Variants in ADAMTS17 observed in about 807,000 individuals in gnomAD.
ADAMTS17 encodes the protein A disintegrin and metalloproteinase with thrombospondin motifs 17.
Under a neutral mutation model 141.5 loss-of-function variants are expected in ADAMTS17, and 113 were observed. The observed-to-expected ratio is 0.80, with a 90% confidence interval of 0.69 to 0.93. The LOEUF is 0.93. Ranked by LOEUF, ADAMTS17 falls within the 40% of genes least tolerant of loss-of-function variation. ADAMTS17 has a pLI of 0.00. For synonymous variants in ADAMTS17, 768 were observed against 630.6 expected (o/e 1.22, Z -3.27); for missense variants, 1,659 against 1,517.9 (o/e 1.09, Z -1.54).
intron 10 of ADAMTS17, among the ~76,000 whole-genome samples, chr15:100,138,701 T>A (rs1386510531): frequency 6.6e-6 from 1 of 151,946 alleles, no homozygotes; most frequent in East Asian, 1.9e-4. Flanking sequence ...ATAGAAAGAG[T>A]TGGGCAGAGA....
rs1000019016 is a variant in ADAMTS17, at chr15:100,047,475, G to A, written c.2591+1382C>T. 4.6e-5 allele frequency among the ~76,000 whole-genome samples: 7 copies of A among 151,736 alleles called. No individual in the cohort carries two copies. The East Asian group carries it at 9.7e-4, about 21-fold the overall frequency. ...CCTGCTGACATGTGATGTCTCCCCC[G>A]GATGCCCAGCTTTAAAATTTCTCTC... On this transcript the variant is annotated intron_variant, in intron 18 of 21. Coordinates refer to ENST00000268070, the MANE Select transcript of ADAMTS17 (RefSeq NM_139057.4).
intron 8 of ADAMTS17, among the ~76,000 whole-genome samples, chr15:100,178,306 AT>A (rs1375941081): frequency 6.6e-6 from 1 of 152,196 alleles, no homozygotes; most frequent in Non-Finnish European, 1.5e-5. Flanking sequence ...GATTTTAAAA[AT>A]ATCACTCTGT....
At chr15:100,214,686 T>C (rs964445494) in intron 7 of ADAMTS17, among the ~76,000 whole-genome samples, 5 of 152,234 alleles carry the variant, frequency 3.3e-5, no homozygotes, top group Non-Finnish European at 7.3e-5. Context: ...TTCCGGGCAC[T>C]GGAAATCACA....
rs77884506 is a variant in ADAMTS17 at position 100,267,616 on chromosome 15, A to C, written c.790-5181T>G. 5.4e-3 allele frequency among the ~76,000 whole-genome samples: 822 copies of C among 152,172 alleles called. 17 individuals are homozygous for C. The East Asian group carries it at 0.069, about 13-fold the overall frequency. On this transcript the variant is annotated intron_variant, in intron 4 of 21. Transcript: ENST00000268070. ...GATGCTGAAGTTTGGGATACGAATC[A>C]CCCCATCACCCAGGTACTGAGCATA...
intron 7 of ADAMTS17, among the ~76,000 whole-genome samples, chr15:100,251,083 T>TA (rs1198511076): frequency 3.3e-5 from 5 of 151,656 alleles, no homozygotes; most frequent in Non-Finnish European, 5.9e-5. Flanking sequence ...TTAATTTTTT[T>TA]AAAAAAGAAA....
rs73474421 is a variant in ADAMTS17 at position 100,055,413 on chromosome 15, T to C, written c.2138-1359A>G. On this transcript the variant is annotated intron_variant, in intron 15 of 21. Transcript: ENST00000268070. ...GCTGGGTAGTCACTGGCCTCAGTTC[T>C]TGTCTCCAGGACATTATGGTCCCAC... Among the ~76,000 whole-genome samples the C allele has an allele frequency of 5.3e-3, 801 of 152,342 alleles. 12 individuals carry two copies. Among genetic ancestry groups the C allele is most frequent in the African/African-American group, 0.018 (748 of 41,586 alleles).
intron 3 of ADAMTS17, among the ~76,000 whole-genome samples, chr15:100,290,081 C>T (rs1361886818): frequency 6.6e-6 from 1 of 152,082 alleles, no homozygotes; most frequent in African/African-American, 2.4e-5. Context: ...ACCATCTCTG[C>T]TTGCAGACGT....
chr15:99,997,977 G>C lies in ADAMTS17; in HGVS notation c.2592-388C>G, dbSNP rs1454504870. 6.6e-6 allele frequency among the ~76,000 whole-genome samples: 1 copy of C among 152,188 alleles called. No individual in the cohort carries two copies. The highest frequency in any genetic ancestry group is 1.5e-5 in the Non-Finnish European group (1 of 68,026). ...AGCTCTGAATGTGGTTATGTGGTTT[G>C]GCTCTGATTCTCTTTACTTCTTACC... is the stretch of plus-strand genomic sequence containing the variant. On this transcript the variant is annotated intron_variant, in intron 18 of 21. Coordinates refer to ENST00000268070, the MANE Select transcript of ADAMTS17 (RefSeq NM_139057.4). This position sits in a 1 kb window ranked among gnomAD's most constrained non-coding sequence, Gnocchi z 4.7.
chr15:100,338,373 C>CA (rs924537810), intron 2 of ADAMTS17, among the ~76,000 whole-genome samples: 6 of 152,338 alleles, frequency 3.9e-5, no homozygotes, highest in African/African-American at 1.2e-4. Context: ...TGTGTGCCCC[C>CA]AGCCCAGGCA....
intron 12 of ADAMTS17, 112 bp downstream of exon 12, chr15:100,131,895 T>C (rs998034863): frequency 3.9e-6 from 6 of 1,532,670 alleles, no homozygotes; most frequent in African/African-American, 2.7e-5. Context: ...TCATTTTCCA[T>C]ATCTTCTAAT....
rs1191503308 is a variant in ADAMTS17, at chr15:99,977,382, A to G, written c.2950-1160T>C. On this transcript the variant is annotated intron_variant, in intron 20 of 21. Coordinates refer to ENST00000268070, the MANE Select transcript of ADAMTS17 (RefSeq NM_139057.4). ...TATATATATATATATATATATATAT[A>G]TATATATATATATATATAATTTTTT... Among the ~76,000 whole-genome samples, 5 of 20,938 alleles carry G rather than the reference A, an allele frequency of 2.4e-4. No individual in the cohort carries two copies. In the East Asian group the frequency reaches 4.9e-3, roughly 21 times the overall value. 13.7% of individuals were successfully genotyped at this position (20,938 alleles called of 152,430 possible).
intron 7 of ADAMTS17, among the ~76,000 whole-genome samples, chr15:100,233,665 A>G (rs1219491678): frequency 6.6e-6 from 1 of 152,172 alleles, no homozygotes; most frequent in Non-Finnish European, 1.5e-5. Context: ...ATGTCCAGCA[A>G]TAACTGAAAA....
intron 8 of ADAMTS17, among the ~76,000 whole-genome samples, chr15:100,156,243 C>T (rs1021978454): frequency 6.6e-6 from 1 of 152,196 alleles, no homozygotes; most frequent in Non-Finnish European, 1.5e-5. Context: ...GCCATGTTTT[C>T]CTAGTTTGCT....
At chr15:100,254,477 TC>T (rs1281364022) in intron 6 of ADAMTS17, among the ~76,000 whole-genome samples, 1 of 152,170 alleles carries the variant, frequency 6.6e-6, no homozygotes, top group East Asian at 1.9e-4. Context: ...GTTTGCCAAG[TC>T]ACTGATCCGA....
At chr15:100,149,979 A>G (rs1025940496) in intron 10 of ADAMTS17, among the ~76,000 whole-genome samples, 3 of 152,252 alleles carry the variant, frequency 2.0e-5, no homozygotes. Flanking sequence ...GCTGGTGGCC[A>G]TGAAGGGGAC....
chr15:99,975,104 A>G (rs2060293773), intron 21 of ADAMTS17, among the ~76,000 whole-genome samples: 2 of 152,240 alleles, frequency 1.3e-5, no homozygotes, highest in East Asian at 3.8e-4. Flanking sequence ...CGGAACAAAG[A>G]TACTAGAAAT....
intron 10 of ADAMTS17, among the ~76,000 whole-genome samples, chr15:100,144,564 C>T (rs1410622994): frequency 6.6e-6 from 1 of 151,856 alleles, no homozygotes; most frequent in African/African-American, 2.4e-5. Flanking sequence ...AAAAAAAAAT[C>T]TGTGATTCCT....
At chr15:100,275,312 G>T (rs1247356940) in intron 4 of ADAMTS17, among the ~76,000 whole-genome samples, 1 of 152,190 alleles carries the variant, frequency 6.6e-6, no homozygotes, top group African/African-American at 2.4e-5. Context: ...CAGGGGGTGG[G>T]GGGCCTTCCC....
intron 2 of ADAMTS17, among the ~76,000 whole-genome samples, chr15:100,335,591 T>C (rs936487321): frequency 6.6e-6 from 1 of 152,190 alleles, no homozygotes; most frequent in African/African-American, 2.4e-5. Context: ...TGCGTGATAA[T>C]GATCTGCTCA....
Sources: allele counts gnomAD v4.1 joint callset (sites outside exome capture counted in the v4.1 genomes callset), GRCh38; gene constraint gnomAD v4.1.1; non-coding constraint Gnocchi (gnomAD v3.1); transcripts MANE v1.5; gene names NCBI Gene and HGNC (gene_info 2026-07-23, HGNC 2026-07-21).